The following ANKRD17 variants were observed in gnomAD, a reference collection of about 807,000 sequenced individuals.
ANKRD17 encodes ankyrin repeat domain 17, also known as ankyrin repeat domain-containing protein 17.
ANKRD17 carries 19 observed loss-of-function variants against 229.7 expected under a neutral mutation model. That is an observed-to-expected ratio of 0.08 (90% CI 0.06 to 0.12). The LOEUF is 0.12. Among genes scored for constraint, ANKRD17 ranks in the 10% least tolerant of loss-of-function variants. The pLI is 1.00. For missense variants in ANKRD17, 2,176 were observed against 3,176.8 expected, an observed-to-expected ratio of 0.68 and a Z score of 7.57; for synonymous variants, 1,112 against 1,146.1, an observed-to-expected ratio of 0.97 and a Z score of 0.60.
At position 73,258,561 on chromosome 4, in the gene ANKRD17, G is replaced by A; in HGVS notation, c.108C>T (p.Gly36=). Residue 36 remains glycine (G), a synonymous_variant, in exon 1 of 34, where the codon GGC becomes GGT. Coordinates refer to ENST00000358602, the MANE Select transcript of ANKRD17 (RefSeq NM_032217.5). ...VAGPPAAAEV[G]GGVGGSSRAR... is the part of the protein sequence containing the mutation. ...CTCTGCTGCTGCCGCCAACGCCGCC[G>A]CCGACCTCCGCCGCCGCGGGGGGGC... is the stretch of plus-strand genomic sequence containing the variant. 3 of 1,461,304 alleles carry A rather than the reference G, an allele frequency of 2.1e-6. No homozygotes were observed. The highest frequency in any genetic ancestry group is 1.5e-5 in the African/African-American group (1 of 67,530). 90.5% of individuals were successfully genotyped at this position (1,461,304 alleles called of 1,614,324 possible).
chr4:73,086,876 C>T (rs1167477132), intron 29 of ANKRD17, among the ~76,000 whole-genome samples: 7 of 99,790 alleles, frequency 7.0e-5, no homozygotes, highest in Non-Finnish European at 1.3e-4. Flanking sequence ...CCAGCCTGGG[C>T]GTCCGAGTGA....
chr4:73,258,798 TGCCGCC>T (rs1203341924), upstream of ANKRD17: 170 of 1,139,198 alleles, frequency 1.5e-4, no homozygotes, highest in South Asian at 9.5e-4. Flanking sequence ...TCACCTCTAC[TGCCGCC>T]GCCGCCGCCG....
rs534974416 is a variant in ANKRD17 at position 73,219,364 on chromosome 4, T to C, written c.393+38912A>G. Reference sequence around the variant, plus strand: ...TATAACACGTATCTGTCAAAAAAAGTCTACCACATGGAGATTTGATATCAT... The same window carrying C: ...TATAACACGTATCTGTCAAAAAAAGCCTACCACATGGAGATTTGATATCAT... On this transcript the variant is annotated intron_variant, in intron 1 of 33. Coordinates refer to ENST00000358602, the MANE Select transcript of ANKRD17 (RefSeq NM_032217.5). Among the ~76,000 whole-genome samples, 83 of 151,642 alleles carry C rather than the reference T, an allele frequency of 5.5e-4. 1 individual carries two copies. In the South Asian group the frequency reaches 0.016, roughly 29 times the overall value.
intron 1 of ANKRD17, among the ~76,000 whole-genome samples, chr4:73,238,401 AT>A (rs1743707853): frequency 6.6e-6 from 1 of 152,176 alleles, no homozygotes; most frequent in South Asian, 2.1e-4. Context: ...TCTACAAGGT[AT>A]GTATTTTGAT....
intron 9 of ANKRD17, 91 bp downstream of exon 9, chr4:73,147,150 T>G (rs1221081540): frequency 8.2e-7 from 1 of 1,219,450 alleles, no homozygotes; most frequent in Non-Finnish European, 1.1e-6. Flanking sequence ...ACACATTCAG[T>G]GTATCATAGC....
At chr4:73,185,320 T>C (rs1736148276) in intron 1 of ANKRD17, among the ~76,000 whole-genome samples, 1 of 151,854 alleles carries the variant, frequency 6.6e-6, no homozygotes, top group Admixed American at 6.6e-5. Flanking sequence ...GTTTTTGTTG[T>C]TCTGGAAAAT....
At position 73,141,823 on chromosome 4, in the gene ANKRD17, T is replaced by C; in HGVS notation, c.2250A>G (p.Gln750=). ...GAGGTGGAACAACCATGGGCAGTGC[T>C]TGAACTGGTACACGAGGAGCCTAAG... is the stretch of plus-strand genomic sequence containing the variant. ...DLNRAPRVPV[Q]ALPMVVPPQE... is the part of the protein sequence containing the mutation. The change falls in exon 14 of 34, where the codon CAA becomes CAG. Residue 750 remains glutamine (Q), a synonymous_variant. Transcript: ENST00000358602. 6.2e-7 allele frequency: 1 copy of C among 1,613,944 alleles called. No individual in the cohort carries two copies. Among genetic ancestry groups the C allele is most frequent in the Middle Eastern group, 1.6e-4 (1 of 6,062 alleles).
intron 2 of ANKRD17, among the ~76,000 whole-genome samples, chr4:73,172,023 A>T (rs1383500930): frequency 6.6e-6 from 1 of 152,180 alleles, no homozygotes. Flanking sequence ...GTATAGTAAC[A>T]GAGAACTTCC....
At chr4:73,130,961 AAAT>A (rs1560566137) in intron 16 of ANKRD17, among the ~76,000 whole-genome samples, 1 of 152,208 alleles carries the variant, frequency 6.6e-6, no homozygotes, top group African/African-American at 2.4e-5. Flanking sequence ...CAGAACCCAC[AAAT>A]AAGTTTGGTT....
intron 2 of ANKRD17, among the ~76,000 whole-genome samples, chr4:73,172,099 C>G (rs1734116732): frequency 6.6e-6 from 1 of 151,974 alleles, no homozygotes; most frequent in Non-Finnish European, 1.5e-5. Flanking sequence ...CAGATTTAAC[C>G]CAAAGAAGAC....
At chr4:73,097,314 T>C (rs1388545376) in intron 26 of ANKRD17, 42 bp from the exon 27 acceptor site, 1 of 1,481,428 alleles carries the variant, frequency 6.8e-7, no homozygotes, top group Non-Finnish European at 9.0e-7. Context: ...ATGGAACAGA[T>C]GTAGAATTTT....
At position 73,244,031 on chromosome 4, in the gene ANKRD17, T is replaced by G. The variant is rs185511528; in HGVS notation, c.393+14245A>C. Among the ~76,000 whole-genome samples, 22 of 152,246 alleles carry G rather than the reference T, an allele frequency of 1.4e-4. 2 individuals are homozygous for G. The highest frequency in any genetic ancestry group is 1.4e-3 in the Admixed American group (22 of 15,286). Reference sequence around the variant, plus strand: ...AGATTTGTTTCTCCTGAGGCCTCTCTCCTTGGCTTACAGATGACCACCTTC... The same window carrying G: ...AGATTTGTTTCTCCTGAGGCCTCTCGCCTTGGCTTACAGATGACCACCTTC... On this transcript the variant is annotated intron_variant, in intron 1 of 33. Transcript: ENST00000358602.
intron 8 of ANKRD17, among the ~76,000 whole-genome samples, chr4:73,148,051 C>T (rs1730522330): frequency 2.0e-5 from 3 of 152,100 alleles, no homozygotes; most frequent in Admixed American, 1.3e-4. Flanking sequence ...AACTGAGGCA[C>T]AGAAGGTTAG....
At chr4:73,160,297 C>T (rs1297535127) in intron 3 of ANKRD17, among the ~76,000 whole-genome samples, 3 of 139,248 alleles carry the variant, frequency 2.2e-5, no homozygotes, top group South Asian at 2.3e-4. Context: ...CGGCTCACTG[C>T]AACCTCTGCC....
In ANKRD17 at chr4:73,076,125, A is replaced by T; in HGVS notation, c.*106T>A. The stretch of plus-strand genomic sequence containing the variant: ...CTTCTGCAAAAAGCCTACACACTTC[A>T]GTCAAGCACATCAGTAGAATGATTT... On this transcript the variant is annotated 3_prime_UTR_variant, in exon 34 of 34. Transcript: ENST00000358602. 1 of 905,216 alleles carries T rather than the reference A, an allele frequency of 1.1e-6. No individual in the cohort carries two copies. Among genetic ancestry groups the T allele is most frequent in the Admixed American group, 3.4e-5 (1 of 29,792 alleles). The allele number at this position is 905,216 out of a possible 1,614,324, so 56.1% of individuals were successfully genotyped here.
chr4:73,108,219 AAG>A (rs1233512007), intron 24 of ANKRD17, among the ~76,000 whole-genome samples: 1 of 152,178 alleles, frequency 6.6e-6, no homozygotes, highest in Non-Finnish European at 1.5e-5. Context: ...CCTGAGCAAT[AAG>A]AGTTGTGGGT....
intron 25 of ANKRD17, chr4:73,101,303 C>T (rs1334842141): frequency 3.9e-6 from 3 of 767,248 alleles, no homozygotes; most frequent in Admixed American, 6.3e-5. Flanking sequence ...TATGAAATTA[C>T]CATTTATAAT....
chr4:73,103,339 C>T (rs1724225984), intron 24 of ANKRD17, among the ~76,000 whole-genome samples: 1 of 151,940 alleles, frequency 6.6e-6, no homozygotes, highest in East Asian at 1.9e-4. Context: ...CAGAGACTAC[C>T]TCTGGAGGGT....
chr4:73,245,739 G>T (rs1287565776), intron 1 of ANKRD17, among the ~76,000 whole-genome samples: 1 of 152,038 alleles, frequency 6.6e-6, no homozygotes, highest in African/African-American at 2.4e-5. Context: ...AGATCCTCTC[G>T]AGGTAGCCAG....
Sources: allele counts gnomAD v4.1 joint callset (sites outside exome capture counted in the v4.1 genomes callset), GRCh38; gene constraint gnomAD v4.1.1; transcripts MANE v1.5; gene names NCBI Gene and HGNC (gene_info 2026-07-23, HGNC 2026-07-21).